GPR146: variants seen among roughly 807,000 people sequenced by gnomAD.
GPR146 encodes G-protein coupled receptor 146.
For synonymous variants in GPR146, 203 were observed against 104.3 expected (o/e 1.95, Z -5.77); for missense variants, 381 against 213.9 (o/e 1.78, Z -4.87).
In GPR146 at chr7:1,058,358, C is replaced by G; in HGVS notation, c.843C>G (p.Ser281=). ...LGLLHFVKDF[S]KLLAFSSSFV... ...TACTGCACTTTGTGAAGGATTTCTCCAAACTCCTGGCCTTCTCCAGCAGCT... is the reference window on the plus strand; with the variant it reads ...TACTGCACTTTGTGAAGGATTTCTCGAAACTCCTGGCCTTCTCCAGCAGCT... The change falls in exon 2 of 2, where the codon TCC becomes TCG. Residue 281 remains serine (S), a synonymous_variant. Coordinates refer to ENST00000444847, the MANE Select transcript of GPR146 (RefSeq NM_001303473.2). 1 of 779,808 alleles carries G rather than the reference C, an allele frequency of 1.3e-6. No homozygotes were observed. Among genetic ancestry groups the G allele is most frequent in the Non-Finnish European group, 2.4e-6 (1 of 418,128 alleles). The allele number at this position is 779,808 out of a possible 1,614,324, so 48.3% of individuals were successfully genotyped here.
At chr7:1,049,523 G>A (rs76129108) in intron 1 of GPR146, among the ~76,000 whole-genome samples, 16,277 of 152,234 alleles carry the variant, frequency 0.11, 1,156 homozygotes, top group Middle Eastern at 0.2. Context: ...CTTGCTGCCC[G>A]CTCCAGAGCC....
At chr7:1,049,858 C>T (rs1463348556) in intron 1 of GPR146, among the ~76,000 whole-genome samples, 1 of 152,194 alleles carries the variant, frequency 6.6e-6, no homozygotes, top group African/African-American at 2.4e-5. Flanking sequence ...AGGTCCCGTG[C>T]GAGGAGCCCT....
intron 1 of GPR146, among the ~76,000 whole-genome samples, chr7:1,053,100 A>G (rs963716904): frequency 1.3e-5 from 2 of 152,202 alleles, no homozygotes; most frequent in African/African-American, 4.8e-5. Context: ...ATTGTTCTCC[A>G]GTTCCAGGAT....
intron 1 of GPR146, among the ~76,000 whole-genome samples, chr7:1,050,065 G>A (rs1448783503): frequency 6.6e-6 from 1 of 152,226 alleles, no homozygotes; most frequent in African/African-American, 2.4e-5. Flanking sequence ...CCCCTCAGCG[G>A]GCCCCACTCT....
chr7:1,046,135 T>A (rs1782556063), intron 1 of GPR146, among the ~76,000 whole-genome samples: 1 of 152,192 alleles, frequency 6.6e-6, no homozygotes, highest in African/African-American at 2.4e-5. Context: ...GGAAATATGC[T>A]CGTGTAATTT....
At position 1,058,426 on chromosome 7, in the gene GPR146, C is replaced by A. The variant is rs375889876; in HGVS notation, c.911C>A (p.Pro304His). ...LLYRYMNQSF[P>H]SKLQRLMKKL... The stretch of plus-strand genomic sequence containing the variant: ...TACCGCTACATGAACCAGAGCTTCC[C>A]CAGCAAGCTCCAACGGCTGATGAAA... The change falls in exon 2 of 2, where the codon CCC (proline) becomes CAC (histidine). Residue 304 changes from proline (P) to histidine (H), a missense_variant. Physicochemically the swap from Pro to His is moderately conservative, Grantham distance 77. Coordinates refer to ENST00000444847, the MANE Select transcript of GPR146 (RefSeq NM_001303473.2). The A allele has an allele frequency of 2.2e-5, 17 of 780,650 alleles. No homozygotes were observed. Among genetic ancestry groups the A allele is most frequent in the Non-Finnish European group, 3.8e-5 (16 of 418,154 alleles). 48.4% of individuals were successfully genotyped at this position (780,650 alleles called of 1,614,324 possible). A position where few individuals can be genotyped will look rare whatever the true frequency, so the allele number is the denominator to read the frequency against.
At position 1,058,773 on chromosome 7, in the gene GPR146, A is replaced by C; in HGVS notation, c.*256A>C. On this transcript the variant is annotated 3_prime_UTR_variant, in exon 2 of 2. Transcript: ENST00000444847. ...CGCAGCTCAAGGTCCACATCCGCAA[A>C]AGCCTCCTCGCCTTCAGCCTCCTCA... 1 of 504,530 alleles carries C rather than the reference A, an allele frequency of 2.0e-6. No individual in the cohort carries two copies. Among genetic ancestry groups the C allele is most frequent in the East Asian group, 3.3e-5 (1 of 30,512 alleles). The allele number at this position is 504,530 out of a possible 1,614,324, so 31.3% of individuals were successfully genotyped here.
intron 1 of GPR146, chr7:1,055,506 G>A (rs765907891): frequency 1.3e-5 from 6 of 452,384 alleles, no homozygotes; most frequent in African/African-American, 4.0e-5. Flanking sequence ...GGTGCCCGCA[G>A]GTGGGAGAGG....
Position 1,057,411 on chromosome 7 carries a change from G to A in GPR146, c.-24-81G>A, listed in dbSNP as rs529893936. ...TGCAGCGATTACTGCACCAGGAGAA[G>A]GCACCCCTGTACCTGCAGCACTTCT... On this transcript the variant is annotated intron_variant, in intron 1 of 1. Coordinates refer to ENST00000444847, the MANE Select transcript of GPR146 (RefSeq NM_001303473.2). 1.4e-3 allele frequency: 875 copies of A among 614,250 alleles called. 1 individual carries two copies. The highest frequency in any genetic ancestry group is 2.2e-3 in the Non-Finnish European group (745 of 340,990). The allele number at this position is 614,250 out of a possible 1,614,324, so 38.0% of individuals were successfully genotyped here.
At chr7:1,053,464 G>A (rs886247538) in intron 1 of GPR146, among the ~76,000 whole-genome samples, 1 of 152,236 alleles carries the variant, frequency 6.6e-6, no homozygotes, top group South Asian at 2.1e-4. Context: ...TGGGAACACT[G>A]GCTCACATGA....
rs1783193989 is a variant in GPR146 at position 1,052,301 on chromosome 7, C to T, written c.-24-5191C>T. ...CTGCAGCGTCCAGCTCGGCTGGGGA[C>T]ACTCGCCTGAGAAGAGCCCAGTCCT... On this transcript the variant is annotated intron_variant, in intron 1 of 1. Coordinates refer to ENST00000444847, the MANE Select transcript of GPR146 (RefSeq NM_001303473.2). This position sits in a 1 kb window ranked among gnomAD's most constrained non-coding sequence, Gnocchi z 4.2. Among the ~76,000 whole-genome samples, 1 of 152,242 alleles carries T rather than the reference C, an allele frequency of 6.6e-6. No individual in the cohort carries two copies. The highest frequency in any genetic ancestry group is 2.4e-5 in the African/African-American group (1 of 41,466).
chr7:1,055,881 G>T (rs1040062840), intron 1 of GPR146, among the ~76,000 whole-genome samples: 4 of 152,202 alleles, frequency 2.6e-5, no homozygotes, highest in African/African-American at 9.7e-5. Flanking sequence ...ACAGTGGCCT[G>T]TGTTTCCTGG....
At chr7:1,048,767 G>C (rs531598950) in intron 1 of GPR146, among the ~76,000 whole-genome samples, 1 of 152,226 alleles carries the variant, frequency 6.6e-6, no homozygotes, top group South Asian at 2.1e-4. Flanking sequence ...CCCTGCTATG[G>C]CCATGGTCTC....
At chr7:1,055,312 C>T (rs575333772) in intron 1 of GPR146, 12 of 471,186 alleles carry the variant, frequency 2.5e-5, no homozygotes, top group Admixed American at 9.4e-5. Context: ...GGCCCTCACA[C>T]GCACGCGCAG....
chr7:1,057,863 C>G lies in GPR146; in HGVS notation c.348C>G (p.Ala116=). Residue 116 remains alanine, a synonymous_variant, in exon 2 of 2, where the codon GCC becomes GCG. Transcript: ENST00000444847. The part of the protein sequence containing the change: ...QIPFNVSSLV[A]MYSTALLSLD... ...CCTTCAATGTGTCCTCACTGGTGGC[C>G]ATGTACTCCACCGCCCTGCTGAGCC... 1.3e-6 allele frequency: 1 copy of G among 777,570 alleles called. No individual in the cohort carries two copies. The highest frequency in any genetic ancestry group is 2.4e-6 in the Non-Finnish European group (1 of 418,056). The allele number at this position is 777,570 out of a possible 1,614,324, so 48.2% of individuals were successfully genotyped here. A position where few individuals can be genotyped will look rare whatever the true frequency, so the allele number is the denominator to read the frequency against.
intron 1 of GPR146, among the ~76,000 whole-genome samples, chr7:1,049,352 C>G (rs1436672700): frequency 6.6e-6 from 1 of 152,234 alleles, no homozygotes; most frequent in African/African-American, 2.4e-5. Flanking sequence ...AGTGCCGGCA[C>G]CCTCTTGTGC....
At chr7:1,055,505 A>G (rs1783637569) in intron 1 of GPR146, 1 of 452,364 alleles carries the variant, frequency 2.2e-6, no homozygotes, top group African/African-American at 2.0e-5. Flanking sequence ...TGGTGCCCGC[A>G]GGTGGGAGAG....
At chr7:1,049,347 C>T (rs1342198355) in intron 1 of GPR146, among the ~76,000 whole-genome samples, 4 of 152,222 alleles carry the variant, frequency 2.6e-5, no homozygotes, top group African/African-American at 4.8e-5. Flanking sequence ...GAGCAAGTGC[C>T]GGCACCCTCT....
At position 1,057,506 on chromosome 7, in the gene GPR146, G is replaced by A. The variant is rs376860410; in HGVS notation, c.-10G>A. On this transcript the variant is annotated 5_prime_UTR_variant, in exon 2 of 2. Coordinates refer to ENST00000444847, the MANE Select transcript of GPR146 (RefSeq NM_001303473.2). ...TCTTTCCGCAGGGTCGCGGAGCCTC[G>A]CCGGCCGCCATGTGGAGCTGCAGCT... 2.2e-5 allele frequency: 17 copies of A among 759,148 alleles called. No individual in the cohort carries two copies. The highest frequency in any genetic ancestry group is 4.9e-5 in the East Asian group (2 of 40,890). The allele number at this position is 759,148 out of a possible 1,614,324, so 47.0% of individuals were successfully genotyped here. A position where few individuals can be genotyped will look rare whatever the true frequency, so the allele number is the denominator to read the frequency against.
Sources: allele counts gnomAD v4.1 joint callset (sites outside exome capture counted in the v4.1 genomes callset), GRCh38; gene constraint gnomAD v4.1.1; non-coding constraint Gnocchi (gnomAD v3.1); transcripts MANE v1.5; gene names NCBI Gene and HGNC (gene_info 2026-07-23, HGNC 2026-07-21).